The following ZNF433 variants were observed in gnomAD, a reference collection of about 807,000 sequenced individuals.
ZNF433 encodes zinc finger protein 433.
A neutral mutation model predicts 10.6 loss-of-function variants in ZNF433; 12 were observed. The ratio of observed to expected loss-of-function variants is 1.13; its 90% CI spans 0.72 to 1.83. The LOEUF (loss-of-function observed/expected upper bound fraction) is 1.83, where lower values mean the gene tolerates loss of function less well. ZNF433 is among the 40% of genes most tolerant of loss of function. The probability of loss-of-function intolerance (pLI) is 0.00; values close to 1 mark genes in which losing one functional copy is unlikely to be tolerated. For missense variants in ZNF433, 737 were observed against 798.0 expected, an observed-to-expected ratio of 0.92 and a Z score of 0.92; for synonymous variants, 272 against 271.3, an observed-to-expected ratio of 1.00 and a Z score of -0.02.
intron 1 of ZNF433, among the ~76,000 whole-genome samples, chr19:12,033,575 C>A (rs963182150): frequency 6.6e-6 from 1 of 151,908 alleles, no homozygotes; most frequent in African/African-American, 2.4e-5. Context: ...GTAATCCCAG[C>A]ACTTTGGGAG....
At chr19:12,027,231 T>A in intron 1 of ZNF433, 1 of 386,762 alleles carries the variant, frequency 2.6e-6, no homozygotes, top group Middle Eastern at 9.2e-4. Flanking sequence ...ATTGTGCTTT[T>A]AATCTGTGTT....
intron 1 of ZNF433, among the ~76,000 whole-genome samples, chr19:12,031,180 C>CA (rs1568341729): frequency 2.6e-5 from 4 of 151,798 alleles, no homozygotes. Flanking sequence ...CCTGTAGTCC[C>CA]AGCTACTTGG....
rs1274273910 is a variant in ZNF433, at chr19:12,015,467, A to T, written c.1391T>A (p.Ile464Lys). Reference protein sequence around the residue: ...KPFSNFSFFQIHERMHREEKP... With the variant: ...KPFSNFSFFQKHERMHREEKP... ...CTCTTCTCTGTGCATCCTTTCATGT[A>T]TTTGAAAGAAAGAGAAATTACTAAA... The change falls in exon 4 of 4, where the codon ATA (isoleucine) becomes AAA (lysine). Residue 464 changes from isoleucine to lysine, a missense_variant. Ile to Lys is a moderately radical substitution (Grantham distance 102, BLOSUM62 -3). Transcript: ENST00000550507. The T allele has an allele frequency of 6.2e-6, 10 of 1,613,816 alleles. No individual in the cohort carries two copies. Among genetic ancestry groups the T allele is most frequent in the Non-Finnish European group, 7.6e-6 (9 of 1,179,992 alleles).
In ZNF433 at chr19:12,015,444, C is replaced by A. The variant is rs1329386673; in HGVS notation, c.1414G>T (p.Glu472Ter). The change falls in exon 4 of 4, where the codon GAG becomes TAG. Residue 472 changes from glutamate to a stop codon, truncating the protein, a stop_gained. Coordinates refer to ENST00000550507, the MANE Select transcript of ZNF433 (RefSeq NM_001308348.2). LOFTEE classifies it low-confidence loss of function (END_TRUNC). Reference sequence around the variant, plus strand: ...TAACCCTTACATTCATACGGCTTCTCTTCTCTGTGCATCCTTTCATGTATT... The same window carrying A: ...TAACCCTTACATTCATACGGCTTCTATTCTCTGTGCATCCTTTCATGTATT... ...FQIHERMHRE[E>*]KPYECKGYGK... is the part of the protein sequence containing the mutation. The A allele has an allele frequency of 6.2e-7, 1 of 1,614,076 alleles. No homozygotes were observed. The highest frequency in any genetic ancestry group is 1.1e-5 in the South Asian group (1 of 91,080).
At chr19:12,033,374 G>A (rs1168861660) in intron 1 of ZNF433, among the ~76,000 whole-genome samples, 1 of 152,152 alleles carries the variant, frequency 6.6e-6, no homozygotes, top group Non-Finnish European at 1.5e-5. Context: ...TGGGATTATA[G>A]GCATGAGCCA....
intron 1 of ZNF433, among the ~76,000 whole-genome samples, chr19:12,021,209 C>T (rs1191774234): frequency 6.6e-6 from 1 of 151,974 alleles, no homozygotes; most frequent in Non-Finnish European, 1.5e-5. Context: ...TCTCAAACTC[C>T]TGACCTCGTG....
chr19:12,026,877 TAAG>T (rs1319099078), intron 1 of ZNF433: 2 of 453,918 alleles, frequency 4.4e-6, no homozygotes, highest in African/African-American at 2.0e-5. Context: ...GTAGAAATGA[TAAG>T]AAGTATGGCA....
At chr19:12,035,390 A>C in intron 1 of ZNF433, 147 bp downstream of exon 1, 1 of 1,169,084 alleles carries the variant, frequency 8.6e-7, no homozygotes, top group Non-Finnish European at 1.2e-6. Flanking sequence ...TGTGGGGCCA[A>C]GGGGACCAAG....
intron 1 of ZNF433, among the ~76,000 whole-genome samples, chr19:12,033,454 G>A (rs1235049079): frequency 6.6e-6 from 1 of 152,132 alleles, no homozygotes; most frequent in Non-Finnish European, 1.5e-5. Context: ...GGGAGGTGGA[G>A]CTTGCAGTGA....
At chr19:12,020,818 C>T (rs575801531) in intron 1 of ZNF433, among the ~76,000 whole-genome samples, 11 of 151,146 alleles carry the variant, frequency 7.3e-5, no homozygotes, top group Admixed American at 4.0e-4. Flanking sequence ...GCAGGAGAAT[C>T]GCTTGAACCA....
chr19:12,032,479 A>G (rs1975082117), intron 1 of ZNF433, among the ~76,000 whole-genome samples: 2 of 147,750 alleles, frequency 1.4e-5, no homozygotes, highest in African/African-American at 5.4e-5. Context: ...ATAAGACTAA[A>G]TAGCGATTTT....
At chr19:12,034,298 A>G (rs1182561308) in intron 1 of ZNF433, among the ~76,000 whole-genome samples, 1 of 152,212 alleles carries the variant, frequency 6.6e-6, no homozygotes, top group Non-Finnish European at 1.5e-5. Flanking sequence ...CAAAAATTGA[A>G]GCTGTTGGAA....
rs766662301 is a variant in ZNF433 at position 12,016,187 on chromosome 19, T to C, written c.671A>G (p.Gln224Arg). The change falls in exon 4 of 4, where the codon CAA (glutamine) becomes CGA (arginine). Residue 224 changes from glutamine (Q) to arginine (R), a missense_variant. Gln to Arg is a conservative substitution (Grantham distance 43). Transcript: ENST00000550507. The stretch of plus-strand genomic sequence containing the variant: ...AAAGGCTTTACCACACTGTTTACAT[T>C]GATATGGTTTCTCTCCAGTGTGAGT... ...KRTHTGEKPY[Q>R]CKQCGKAFSH... is the part of the protein sequence containing the mutation. 5 of 1,614,206 alleles carry C rather than the reference T, an allele frequency of 3.1e-6. No individual in the cohort carries two copies. The South Asian group carries it at 4.4e-5, about 14-fold the overall frequency.
At chr19:12,025,452 G>A (rs951788802) in intron 1 of ZNF433, 1 of 152,188 alleles carries the variant, frequency 6.6e-6, no homozygotes, top group African/African-American at 2.4e-5. Flanking sequence ...AATATCTAAT[G>A]CCAGACACTT....
intron 1 of ZNF433, chr19:12,034,773 T>A (rs1975197430): frequency 2.2e-6 from 1 of 453,926 alleles, no homozygotes; most frequent in Non-Finnish European, 4.4e-6. Flanking sequence ...CTCAACCACC[T>A]GCACCTTCTA....
At position 12,016,179 on chromosome 19, in the gene ZNF433, GT is replaced by G; in HGVS notation, c.678del (p.Lys226AsnfsTer442). ...THTGEKPYQC[K>X]QCGKAFSHSS... ...GAATGACTAAAGGCTTTACCACACT[GT>G]TTACATTGATATGGTTTCTCTCCAG... On this transcript the variant is annotated frameshift_variant, in exon 4 of 4. Transcript: ENST00000550507. LOFTEE classifies it low-confidence loss of function (END_TRUNC). 3 of 1,614,092 alleles carry G rather than the reference GT, an allele frequency of 1.9e-6. No homozygotes were observed. The highest frequency in any genetic ancestry group is 2.5e-6 in the Non-Finnish European group (3 of 1,180,002).
Position 12,016,095 on chromosome 19 carries a change from C to T in ZNF433, c.763G>A (p.Glu255Lys), listed in dbSNP as rs1180947702. 1 of 1,613,594 alleles carries T rather than the reference C, an allele frequency of 6.2e-7. No homozygotes were observed. Among genetic ancestry groups the T allele is most frequent in the Non-Finnish European group, 8.5e-7 (1 of 1,179,874 alleles). Reference protein sequence around the residue: ...HTGEKPYKCNECGKAFHSSTC... With the variant: ...HTGEKPYKCNKCGKAFHSSTC... ...GAACTATGGAATGCTTTCCCACATT[C>T]ATTACATTTATAAGGCTTCTCCCCA... Residue 255 changes from glutamate (E) to lysine (K), a missense_variant, in exon 4 of 4, where the codon GAA becomes AAA. Transcript: ENST00000550507.
rs200854846 is a variant in ZNF433 at position 12,015,445 on chromosome 19, T to C, written c.1413A>G (p.Glu471=). ...AACCCTTACATTCATACGGCTTCTC[T>C]TCTCTGTGCATCCTTTCATGTATTT... The part of the protein sequence containing the change: ...FFQIHERMHR[E]EKPYECKGYG... The change falls in exon 4 of 4, where the codon GAA becomes GAG. Residue 471 remains glutamate (E), a synonymous_variant. Coordinates refer to ENST00000550507, the MANE Select transcript of ZNF433 (RefSeq NM_001308348.2). The C allele has an allele frequency of 6.2e-7, 1 of 1,614,072 alleles. No homozygotes were observed. The highest frequency in any genetic ancestry group is 2.2e-5 in the East Asian group (1 of 44,886).
rs372320428 is a variant in ZNF433 at position 12,016,034 on chromosome 19, C to G, written c.824G>C (p.Gly275Ala). 1.2e-6 allele frequency: 2 copies of G among 1,614,054 alleles called. No individual in the cohort carries two copies. The highest frequency in any genetic ancestry group is 1.7e-6 in the Non-Finnish European group (2 of 1,179,952). Residue 275 changes from glycine (G) to alanine (A), a missense_variant, in exon 4 of 4, where the codon GGG (glycine) becomes GCG (alanine). Transcript: ENST00000550507. ...CLHAHKRTHT[G>A]EKPYECKQCG... ...CTGTTTACATTCATATGGCTTCTCC[C>G]CAGTGTGAGTTCTTTTATGAGCATG...
Sources: allele counts gnomAD v4.1 joint callset (sites outside exome capture counted in the v4.1 genomes callset), GRCh38; gene constraint gnomAD v4.1.1; transcripts MANE v1.5; gene names NCBI Gene and HGNC (gene_info 2026-07-23, HGNC 2026-07-21).